The following PBRM1 variants were observed in gnomAD, a reference collection of about 807,000 sequenced individuals.
PBRM1 encodes protein polybromo-1.
In PBRM1, 27 loss-of-function variants were observed where a neutral mutation model predicts 194.5. The observed-to-expected ratio is 0.14, with a 90% CI of 0.10 to 0.19. The LOEUF is 0.19. Ranked by LOEUF, PBRM1 falls within the 10% of genes least tolerant of loss-of-function variation. The probability of loss-of-function intolerance (pLI) is 1.00; values close to 1 mark genes in which losing one functional copy is unlikely to be tolerated. For synonymous variants in PBRM1, 655 were observed against 693.2 expected, an observed-to-expected ratio of 0.94 and a Z score of 0.87; for missense variants, 1,466 against 2,077.2, an observed-to-expected ratio of 0.71 and a Z score of 5.72.
intron 17 of PBRM1, among the ~76,000 whole-genome samples, chr3:52,592,122 GTTTTTTTTT>G (rs1168998355): frequency 8.3e-6 from 1 of 120,292 alleles, no homozygotes; most frequent in Non-Finnish European, 1.7e-5. Flanking sequence ...ACTGCACCAG[GTTTTTTTTT>G]TTTTTTTTTT....
At chr3:52,631,308 TA>T (rs200044287) in intron 11 of PBRM1, among the ~76,000 whole-genome samples, 514 of 139,046 alleles carry the variant, frequency 3.7e-3, no homozygotes, top group Admixed American at 5.0e-3. Context: ...CTTTCTCTAT[TA>T]AAAAAAAAAA....
intron 20 of PBRM1, 44 bp downstream of exon 22, chr3:52,586,381 T>C: frequency 6.5e-7 from 1 of 1,531,156 alleles, no homozygotes; most frequent in Middle Eastern, 1.7e-4. Context: ...GGAATAGGTG[T>C]TTTGAGATGT....
At chr3:52,551,435 T>C (rs1284555506) in intron 27 of PBRM1, among the ~76,000 whole-genome samples, 3 of 152,214 alleles carry the variant, frequency 2.0e-5, no homozygotes, top group South Asian at 4.1e-4. Context: ...AGTAACCTTG[T>C]TGCTATTGCT....
intron 21 of PBRM1, among the ~76,000 whole-genome samples, 200 bp downstream of exon 23, chr3:52,578,854 T>A (rs1234496999): frequency 6.6e-6 from 1 of 152,226 alleles, no homozygotes; most frequent in Non-Finnish European, 1.5e-5. Context: ...CTGAAAGTTC[T>A]GTAAATAGTG....
intron 12 of PBRM1, among the ~76,000 whole-genome samples, chr3:52,627,663 G>T (rs2095488353): frequency 6.6e-6 from 1 of 152,204 alleles, no homozygotes; most frequent in South Asian, 2.1e-4. Flanking sequence ...AGCTGTAGAA[G>T]CATCCTGCTC....
At chr3:52,558,172 C>G (rs1304602501) in intron 26 of PBRM1, 77 bp downstream of exon 28, 1 of 1,045,210 alleles carries the variant, frequency 9.6e-7, no homozygotes, top group Non-Finnish European at 1.4e-6. Context: ...TAGACTGTGG[C>G]CTACTCCTTA....
chr3:52,572,792 C>T (rs2087869345), intron 22 of PBRM1, among the ~76,000 whole-genome samples: 1 of 152,128 alleles, frequency 6.6e-6, no homozygotes, highest in Admixed American at 6.5e-5. Flanking sequence ...AAATGATACA[C>T]CTCATCTAAT....
intron 22 of PBRM1, among the ~76,000 whole-genome samples, chr3:52,564,656 A>G (rs2084576804): frequency 6.6e-6 from 1 of 152,122 alleles, no homozygotes; most frequent in South Asian, 2.1e-4. Context: ...TCTCAAGAAA[A>G]AAAAAAAAAG....
chr3:52,615,679 A>T (rs2094914943), intron 14 of PBRM1, among the ~76,000 whole-genome samples: 2 of 152,202 alleles, frequency 1.3e-5, no homozygotes, highest in African/African-American at 4.8e-5. Context: ...ATGCACAGAC[A>T]TGCATGTTAA....
chr3:52,615,450 T>C, exon 15 of PBRM1: 1 of 1,578,484 alleles, frequency 6.3e-7, no homozygotes, highest in Non-Finnish European at 8.7e-7. Context: ...TGTGCATCAT[T>C]ATAAACCTAC....
chr3:52,621,025 G>C (rs528808523), intron 13 of PBRM1, among the ~76,000 whole-genome samples: 1 of 152,188 alleles, frequency 6.6e-6, no homozygotes, highest in Non-Finnish European at 1.5e-5. Flanking sequence ...AATAATAACT[G>C]TATTAGGTTG....
chr3:52,556,873 C>T (rs973366591), intron 26 of PBRM1, among the ~76,000 whole-genome samples: 1 of 151,966 alleles, frequency 6.6e-6, no homozygotes, highest in Non-Finnish European at 1.5e-5. Flanking sequence ...CCTTCCTCAT[C>T]CATAGAGTTC....
At chr3:52,671,718 T>C (rs1272340976) in intron 2 of PBRM1, among the ~76,000 whole-genome samples, 1 of 152,240 alleles carries the variant, frequency 6.6e-6, no homozygotes, top group African/African-American at 2.4e-5. Context: ...CAGAAGACTA[T>C]TATTGATAAA....
intron 3 of PBRM1, among the ~76,000 whole-genome samples, chr3:52,666,949 A>C (rs566216958): frequency 2.1e-4 from 32 of 152,252 alleles, no homozygotes; most frequent in African/African-American, 6.7e-4. Context: ...AGAACGGCCT[A>C]GTAACAGATA....
chr3:52,550,176 CCACTG>C (rs2080578354), intron 29 of PBRM1, among the ~76,000 whole-genome samples: 1 of 152,144 alleles, frequency 6.6e-6, no homozygotes, highest in African/African-American at 2.4e-5. Context: ...CAAGATCGCG[CCACTG>C]CACTCCAGCC....
intron 3 of PBRM1, among the ~76,000 whole-genome samples, chr3:52,665,304 G>A (rs1318471625): frequency 4.0e-5 from 6 of 151,614 alleles, no homozygotes; most frequent in Admixed American, 1.3e-4. Flanking sequence ...ACTGGTGCAC[G>A]TCACCATGCT....
chr3:52,654,091 A>C (rs546235328), intron 5 of PBRM1, among the ~76,000 whole-genome samples: 4 of 152,310 alleles, frequency 2.6e-5, no homozygotes, highest in Admixed American at 2.0e-4. Flanking sequence ...GAAGTTGCCC[A>C]AATATCAAAA....
intron 10 of PBRM1, among the ~76,000 whole-genome samples, chr3:52,640,334 A>G (rs2096022670): frequency 6.6e-6 from 1 of 151,944 alleles, no homozygotes; most frequent in Non-Finnish European, 1.5e-5. Context: ...GCTGGAGTGG[A>G]GTGGTGTGAT....
chr3:52,576,106 G>A (rs770622620), intron 22 of PBRM1, among the ~76,000 whole-genome samples: 1 of 152,076 alleles, frequency 6.6e-6, no homozygotes, highest in Non-Finnish European at 1.5e-5. Flanking sequence ...ACCATTAAAT[G>A]TACCAACGTT....
Sources: gnomAD v4.1 joint callset for allele counts (sites outside exome capture counted in the v4.1 genomes callset) on GRCh38, gnomAD v4.1.1 for gene constraint, MANE v1.5 for transcripts, NCBI Gene and HGNC (gene_info 2026-07-23, HGNC 2026-07-21) for gene names.